Variants in OLA1 observed in about 807,000 individuals in gnomAD.
OLA1 encodes obg-like ATPase 1.
OLA1 carries 14 observed loss-of-function variants against 48.4 expected under a neutral mutation model. That is an observed-to-expected ratio of 0.29 (90% CI 0.19 to 0.45). OLA1 has a LOEUF of 0.45. Ranked by LOEUF, OLA1 falls within the 20% of genes least tolerant of loss-of-function variation. OLA1 has a pLI of 1.00. For synonymous variants in OLA1, 127 were observed against 150.4 expected (o/e 0.84, Z 1.14); for missense variants, 325 against 467.1 (o/e 0.70, Z 2.80).
chr2:174,222,989 C>G (rs1341344482), intron 4 of OLA1, 44 bp downstream of exon 4: 2 of 1,558,518 alleles, frequency 1.3e-6, no homozygotes, highest in Admixed American at 3.8e-5. Flanking sequence ...AAAGAAAACA[C>G]TGATCTGAAT....
At chr2:174,122,389 T>C (rs966627591) in intron 7 of OLA1, among the ~76,000 whole-genome samples, 2 of 152,208 alleles carry the variant, frequency 1.3e-5, no homozygotes, top group Non-Finnish European at 2.9e-5. Context: ...AATGGAAAAT[T>C]GAAACCATGT....
chr2:174,246,852 T>C, intron 1 of OLA1, 37 bp from the exon 2 acceptor site: 1 of 1,313,692 alleles, frequency 7.6e-7, no homozygotes, highest in South Asian at 1.2e-5. Context: ...CAAAACTTTT[T>C]ACTATCCACA....
chr2:174,135,762 G>C (rs1006124336), intron 5 of OLA1, among the ~76,000 whole-genome samples: 1 of 152,188 alleles, frequency 6.6e-6, no homozygotes, highest in Admixed American at 6.5e-5. Context: ...CTAAAGAGAA[G>C]AAAGAGGTAA....
At chr2:174,129,943 A>C (rs1020759851) in intron 5 of OLA1, among the ~76,000 whole-genome samples, 4 of 152,174 alleles carry the variant, frequency 2.6e-5, no homozygotes, top group Non-Finnish European at 5.9e-5. Flanking sequence ...TGATATCCAG[A>C]TGAACTGACT....
At chr2:174,122,312 T>G (rs1455352508) in intron 7 of OLA1, among the ~76,000 whole-genome samples, 1 of 152,236 alleles carries the variant, frequency 6.6e-6, no homozygotes, top group Admixed American at 6.5e-5. Flanking sequence ...GCTTCCAGTC[T>G]ATGAATGTTT....
intron 8 of OLA1, 77 bp downstream of exon 8, chr2:174,081,847 T>C: frequency 7.4e-7 from 1 of 1,346,552 alleles, no homozygotes; most frequent in Non-Finnish European, 1.1e-6. Flanking sequence ...CATTTATTAT[T>C]CTATCAGCGC....
intron 2 of OLA1, among the ~76,000 whole-genome samples, chr2:174,235,669 G>A (rs1040023463): frequency 1.3e-5 from 2 of 152,166 alleles, no homozygotes; most frequent in African/African-American, 4.8e-5. Flanking sequence ...ACTAAGATGA[G>A]AGTTAGGAGG....
At chr2:174,102,693 A>G (rs1685424643) in intron 7 of OLA1, among the ~76,000 whole-genome samples, 1 of 152,186 alleles carries the variant, frequency 6.6e-6, no homozygotes, top group Non-Finnish European at 1.5e-5. Flanking sequence ...ACACAGCCAC[A>G]TGTTTTTGAA....
At chr2:174,221,921 T>C (rs1301516673) in intron 4 of OLA1, among the ~76,000 whole-genome samples, 2 of 152,158 alleles carry the variant, frequency 1.3e-5, no homozygotes, top group African/African-American at 4.8e-5. Context: ...ACTGGATCAC[T>C]TCCCCATCAC....
intron 5 of OLA1, among the ~76,000 whole-genome samples, chr2:174,134,986 C>G (rs911768262): frequency 6.6e-6 from 1 of 151,752 alleles, no homozygotes; most frequent in Non-Finnish European, 1.5e-5. Context: ...ATGGTGAAAC[C>G]CCTACTCTAC....
chr2:174,149,159 C>T (rs1686685950), intron 4 of OLA1, among the ~76,000 whole-genome samples: 2 of 152,206 alleles, frequency 1.3e-5, no homozygotes, highest in African/African-American at 4.8e-5. Context: ...AGCTAACAAA[C>T]TGATCTTAGA....
rs989806489 is a variant in OLA1 at position 174,164,108 on chromosome 2, C to G, written c.374-22108G>C. 4.6e-5 allele frequency among the ~76,000 whole-genome samples: 7 copies of G among 151,770 alleles called. No individual in the cohort carries two copies. In the East Asian group the frequency reaches 1.4e-3, roughly 30 times the overall value. On this transcript the variant is annotated intron_variant, in intron 4 of 10. Coordinates refer to ENST00000284719, the MANE Select transcript of OLA1 (RefSeq NM_013341.5). ...TCCCTTTACTCATTCTGTCTCCTGCCGCCCTGTGAAGAGGTGCCTTCCACC... is the reference window on the plus strand; with the variant it reads ...TCCCTTTACTCATTCTGTCTCCTGCGGCCCTGTGAAGAGGTGCCTTCCACC...
intron 4 of OLA1, among the ~76,000 whole-genome samples, chr2:174,154,033 ATT>A (rs1397132983): frequency 6.6e-6 from 1 of 151,918 alleles, no homozygotes; most frequent in Admixed American, 6.6e-5. Flanking sequence ...AGTCTGGCTA[ATT>A]TTTTTGTTTG....
At chr2:174,133,046 C>T (rs1378944120) in intron 5 of OLA1, among the ~76,000 whole-genome samples, 2 of 152,060 alleles carry the variant, frequency 1.3e-5, no homozygotes, top group Non-Finnish European at 2.9e-5. Context: ...AGTTATTGTG[C>T]CTCCTAGTAT....
chr2:174,235,654 AAG>A, intron 2 of OLA1, among the ~76,000 whole-genome samples: 1 of 152,294 alleles, frequency 6.6e-6, no homozygotes, highest in Admixed American at 6.5e-5. Context: ...CACCAAGTTG[AAG>A]AGACTAAGAT....
At chr2:174,233,595 G>C (rs1688781523) in intron 2 of OLA1, among the ~76,000 whole-genome samples, 2 of 152,122 alleles carry the variant, frequency 1.3e-5, no homozygotes, top group Admixed American at 1.3e-4. Context: ...GGTTGGCCTT[G>C]AACTCCTGAA....
chr2:174,160,701 A>T (rs938675185), intron 4 of OLA1, among the ~76,000 whole-genome samples: 3 of 152,198 alleles, frequency 2.0e-5, no homozygotes, highest in Non-Finnish European at 4.4e-5. Context: ...TGGTCCTTTA[A>T]GTTTTGTCTT....
intron 4 of OLA1, among the ~76,000 whole-genome samples, chr2:174,204,128 G>A (rs139729378): frequency 1.4e-3 from 208 of 151,496 alleles, no homozygotes; most frequent in Non-Finnish European, 2.5e-3. Flanking sequence ...TAGTCCAGGC[G>A]CAGTGGCTCA....
chr2:174,103,085 T>C (rs1294062426), intron 7 of OLA1, among the ~76,000 whole-genome samples: 2 of 152,136 alleles, frequency 1.3e-5, no homozygotes, highest in East Asian at 1.9e-4. Context: ...CATGCTTATA[T>C]GCTACTGGGG....
Sources: allele counts gnomAD v4.1 joint callset (sites outside exome capture counted in the v4.1 genomes callset), GRCh38; gene constraint gnomAD v4.1.1; transcripts MANE v1.5; gene names NCBI Gene and HGNC (gene_info 2026-07-23, HGNC 2026-07-21).